Variants in ZNF736 observed in about 807,000 individuals in gnomAD.
ZNF736 encodes the protein zinc finger protein 736, also known as KRAB-containing zinc-finger repressor protein.
ZNF736 carries 6 observed loss-of-function variants against 11.7 expected under a neutral mutation model. The observed-to-expected ratio is 0.51, with a 90% CI of 0.28 to 1.01. The LOEUF is 1.01. ZNF736 is among the 50% of genes least tolerant of loss of function. ZNF736 has a pLI of 0.09. For missense variants in ZNF736, 444 were observed against 496.0 expected (o/e 0.90, Z 1.00); for synonymous variants, 139 against 164.7 (o/e 0.84, Z 1.19).
chr7:64,342,093 C>T (rs1789345707), intron 3 of ZNF736, among the ~76,000 whole-genome samples: 1 of 152,152 alleles, frequency 6.6e-6, no homozygotes, highest in Non-Finnish European at 1.5e-5. Context: ...TGAGAGACAA[C>T]TCCTTTTTAT....
In ZNF736 at chr7:64,351,971, G is replaced by A. The variant is rs1789495035; in HGVS notation, c.*2824G>A. ...TTGAGGTGTGAATAAGGCACTTAGG[G>A]TTTGGGATTTTTTATTAGTCTGAGG... is the stretch of plus-strand genomic sequence containing the variant. On this transcript the variant is annotated 3_prime_UTR_variant, in exon 4 of 4. Transcript: ENST00000423484. 2 of 152,304 alleles carry A rather than the reference G, an allele frequency of 1.3e-5. No homozygotes were observed. Among genetic ancestry groups the A allele is most frequent in the East Asian group, 3.9e-4 (2 of 5,160 alleles). 9.4% of individuals were successfully genotyped at this position (152,304 alleles called of 1,614,324 possible).
intron 3 of ZNF736, among the ~76,000 whole-genome samples, chr7:64,341,696 G>T (rs987905841): frequency 3.9e-5 from 6 of 152,132 alleles, no homozygotes; most frequent in African/African-American, 1.4e-4. Flanking sequence ...TGTTGTTTTA[G>T]ATTTCTCTTG....
At position 64,355,027 on chromosome 7, in the gene ZNF736, G is replaced by A. The variant is rs919809473; in HGVS notation, c.*5880G>A. ...GGAAAATATCTATAGTAAAAAAAATGACATTAATTCTGCATATGAAGAGAG... is the reference window on the plus strand; with the variant it reads ...GGAAAATATCTATAGTAAAAAAAATAACATTAATTCTGCATATGAAGAGAG... On this transcript the variant is annotated 3_prime_UTR_variant, in exon 4 of 4. Coordinates refer to ENST00000423484, the MANE Select transcript of ZNF736 (RefSeq NM_001170905.3). 1.3e-5 allele frequency: 2 copies of A among 152,166 alleles called. No homozygotes were observed. The highest frequency in any genetic ancestry group is 4.8e-5 in the African/African-American group (2 of 41,430). 9.4% of individuals were successfully genotyped at this position (152,166 alleles called of 1,614,324 possible). A position where few individuals can be genotyped will look rare whatever the true frequency, so the allele number is the denominator to read the frequency against.
chr7:64,331,154 A>G (rs1175466993), intron 1 of ZNF736, among the ~76,000 whole-genome samples: 1 of 152,206 alleles, frequency 6.6e-6, no homozygotes, highest in African/African-American at 2.4e-5. Flanking sequence ...CCAGTGGCTT[A>G]GACTGCCTTT....
At chr7:64,324,136 T>G (rs1241825946) in intron 1 of ZNF736, among the ~76,000 whole-genome samples, 1 of 152,238 alleles carries the variant, frequency 6.6e-6, no homozygotes, top group Admixed American at 6.5e-5. Context: ...TGTTTTTGAT[T>G]TGTTCATTTT....
intron 1 of ZNF736, among the ~76,000 whole-genome samples, chr7:64,327,059 C>G (rs939714485): frequency 6.6e-6 from 1 of 152,090 alleles, no homozygotes; most frequent in Non-Finnish European, 1.5e-5. Context: ...TCTATTAGGT[C>G]TATTTGGTTC....
chr7:64,317,304 T>G (rs1364623803), intron 1 of ZNF736, among the ~76,000 whole-genome samples: 2 of 152,222 alleles, frequency 1.3e-5, no homozygotes, highest in African/African-American at 4.8e-5. Flanking sequence ...TAAAAATATT[T>G]TTAATCATGT....
chr7:64,335,146 G>A (rs1279465353), intron 1 of ZNF736, among the ~76,000 whole-genome samples: 13 of 152,182 alleles, frequency 8.5e-5, no homozygotes, highest in Admixed American at 8.5e-4. Context: ...CCTGTCAGCA[G>A]ATGGGGGCAA....
intron 3 of ZNF736, among the ~76,000 whole-genome samples, chr7:64,341,752 G>A (rs559618721): frequency 3.9e-5 from 6 of 152,244 alleles, no homozygotes; most frequent in African/African-American, 1.4e-4. Flanking sequence ...ACCAATTGCT[G>A]TTGAAGGAAA....
At chr7:64,343,732 G>A (rs538253150) in intron 3 of ZNF736, among the ~76,000 whole-genome samples, 2 of 151,968 alleles carry the variant, frequency 1.3e-5, no homozygotes, top group East Asian at 1.9e-4. Context: ...TTATATTTTA[G>A]TGGCTTATGT....
rs1789457130 is a variant in ZNF736, at chr7:64,349,439, T to C, written c.*292T>C. The C allele has an allele frequency of 3.9e-6, 1 of 259,416 alleles. No homozygotes were observed. 16.1% of individuals were successfully genotyped at this position (259,416 alleles called of 1,614,324 possible). A position where few individuals can be genotyped will look rare whatever the true frequency, so the allele number is the denominator to read the frequency against. ...TGTTTTCTATTTGCTTGGTAGGCTTTTCTTTTTCCCTTTATTTTGAGCTTA... is the reference window on the plus strand; with the variant it reads ...TGTTTTCTATTTGCTTGGTAGGCTTCTCTTTTTCCCTTTATTTTGAGCTTA... On this transcript the variant is annotated 3_prime_UTR_variant, in exon 4 of 4. Transcript: ENST00000423484.
chr7:64,323,613 T>C (rs1342745787), intron 1 of ZNF736, among the ~76,000 whole-genome samples: 2 of 152,174 alleles, frequency 1.3e-5, no homozygotes, highest in Admixed American at 6.5e-5. Context: ...TGGAAGCCGC[T>C]ATTCTCAGCA....
chr7:64,325,066 T>C lies in ZNF736; in HGVS notation c.3+10913T>C, dbSNP rs114019449. Among the ~76,000 whole-genome samples, 383 of 152,312 alleles carry C rather than the reference T, an allele frequency of 2.5e-3. 1 individual carries two copies. Among genetic ancestry groups the C allele is most frequent in the African/African-American group, 8.6e-3 (356 of 41,572 alleles). ...ACCTCTTTCCCCTTCACTATTGACTTTCGTTATAGATTAACCTCCCTCTTA... is the reference window on the plus strand; with the variant it reads ...ACCTCTTTCCCCTTCACTATTGACTCTCGTTATAGATTAACCTCCCTCTTA... On this transcript the variant is annotated intron_variant, in intron 1 of 3. Transcript: ENST00000423484.
intron 1 of ZNF736, among the ~76,000 whole-genome samples, chr7:64,327,794 T>A (rs186632819): frequency 6.6e-6 from 1 of 152,332 alleles, no homozygotes; most frequent in East Asian, 1.9e-4. Flanking sequence ...TAACACATAT[T>A]GTAAAAATGA....
intron 1 of ZNF736, among the ~76,000 whole-genome samples, chr7:64,319,333 G>GTGTGTA (rs1175526690): frequency 2.8e-5 from 2 of 71,638 alleles, no homozygotes; most frequent in African/African-American, 4.4e-5. Context: ...GTGTGTATGT[G>GTGTGTA]TATATATATA....
chr7:64,337,744 TTG>T (rs370009400), intron 3 of ZNF736, among the ~76,000 whole-genome samples: 24,146 of 88,564 alleles, frequency 0.27, 2,343 homozygotes, highest in Non-Finnish European at 0.33. Flanking sequence ...TTGTTTTGTT[TTG>T]TTTTTTTTGG....
chr7:64,347,994 TTTA>T (rs1454809430), intron 3 of ZNF736, 93 bp from the exon 4 acceptor site: 1 of 1,073,326 alleles, frequency 9.3e-7, no homozygotes, highest in Non-Finnish European at 1.3e-6. Flanking sequence ...CCTGTGGTAT[TTTA>T]TTATCGTTTT....
At chr7:64,314,789 T>C (rs1309714800) in intron 1 of ZNF736, among the ~76,000 whole-genome samples, 1 of 152,136 alleles carries the variant, frequency 6.6e-6, no homozygotes, top group Non-Finnish European at 1.5e-5. Context: ...GGTCTCGAAC[T>C]CCCCGAGCTC....
chr7:64,341,496 A>T (rs1789337128), intron 3 of ZNF736, among the ~76,000 whole-genome samples: 1 of 152,144 alleles, frequency 6.6e-6, no homozygotes, highest in African/African-American at 2.4e-5. Context: ...TTTCTAAGTT[A>T]AAGAGATTTT....
Sources: allele counts gnomAD v4.1 joint callset (sites outside exome capture counted in the v4.1 genomes callset), GRCh38; gene constraint gnomAD v4.1.1; transcripts MANE v1.5; gene names NCBI Gene and HGNC (gene_info 2026-07-23, HGNC 2026-07-21).